The following DOK6 variants were observed in gnomAD, a reference collection of about 807,000 sequenced individuals.
DOK6 encodes downstream of tyrosine kinase 6.
In DOK6, 22 loss-of-function variants were observed where a neutral mutation model predicts 44.0. The observed-to-expected ratio is 0.50, with a 90% CI of 0.36 to 0.71. The LOEUF (loss-of-function observed/expected upper bound fraction) is 0.71, where lower values mean the gene tolerates loss of function less well. Ranked by LOEUF, DOK6 falls within the 30% of genes least tolerant of loss-of-function variation. The probability of loss-of-function intolerance (pLI) is 0.00; values close to 1 mark genes in which losing one functional copy is unlikely to be tolerated. For synonymous variants in DOK6, 166 were observed against 145.5 expected, an observed-to-expected ratio of 1.14 and a Z score of -1.01; for missense variants, 340 against 416.4, an observed-to-expected ratio of 0.82 and a Z score of 1.60.
chr18:69,482,592 G>T (rs906519112), intron 1 of DOK6, among the ~76,000 whole-genome samples: 1 of 151,948 alleles, frequency 6.6e-6, no homozygotes, highest in Non-Finnish European at 1.5e-5. Flanking sequence ...ACCAAAGTGA[G>T]ATTATATAGT....
At chr18:69,411,632 G>A (rs2122390909) in intron 1 of DOK6, among the ~76,000 whole-genome samples, 1 of 152,060 alleles carries the variant, frequency 6.6e-6, no homozygotes, top group Non-Finnish European at 1.5e-5. Flanking sequence ...CTTTATCTTT[G>A]GTTTTCAGGA....
intron 2 of DOK6, among the ~76,000 whole-genome samples, chr18:69,580,160 A>G (rs1983333886): frequency 6.6e-6 from 1 of 152,146 alleles, no homozygotes; most frequent in African/African-American, 2.4e-5. Context: ...AGACTGTTTC[A>G]GGGTTTCAGA....
chr18:69,574,647 C>T (rs1307283169), intron 2 of DOK6, among the ~76,000 whole-genome samples: 1 of 151,678 alleles, frequency 6.6e-6, no homozygotes, highest in Non-Finnish European at 1.5e-5. Flanking sequence ...TGAAAGGAGG[C>T]CTGGAGTGGG....
At chr18:69,412,880 A>G (rs574459051) in intron 1 of DOK6, among the ~76,000 whole-genome samples, 1 of 152,240 alleles carries the variant, frequency 6.6e-6, no homozygotes, top group East Asian at 1.9e-4. Flanking sequence ...CCAGGAACCT[A>G]GGACCGACTT....
intron 1 of DOK6, among the ~76,000 whole-genome samples, chr18:69,538,700 C>T (rs535093172): frequency 2.0e-5 from 3 of 152,244 alleles, no homozygotes; most frequent in African/African-American, 7.2e-5. Flanking sequence ...CTACACCAAC[C>T]TTTCTATTCC....
At chr18:69,821,132 G>A (rs1981556081) in intron 7 of DOK6, among the ~76,000 whole-genome samples, 1 of 152,118 alleles carries the variant, frequency 6.6e-6, no homozygotes, top group Non-Finnish European at 1.5e-5. Flanking sequence ...TGTGAACCAT[G>A]CTATGAAAAT....
At chr18:69,719,458 G>A (rs1568343868) in intron 5 of DOK6, among the ~76,000 whole-genome samples, 2 of 152,146 alleles carry the variant, frequency 1.3e-5, no homozygotes, top group Non-Finnish European at 1.5e-5. Flanking sequence ...GAGCAACTGG[G>A]GAAGTTACAG....
At chr18:69,401,379 G>GGA in intron 1 of DOK6, 69 bp downstream of exon 1, 1 of 1,362,362 alleles carries the variant, frequency 7.3e-7, no homozygotes, top group East Asian at 3.1e-5. Flanking sequence ...TGGGGGGGGG[G>GGA]CAGGGAGAGG....
intron 7 of DOK6, among the ~76,000 whole-genome samples, chr18:69,795,811 T>G (rs932098516): frequency 1.3e-5 from 2 of 152,194 alleles, no homozygotes; most frequent in Non-Finnish European, 2.9e-5. Flanking sequence ...TTTATCTGCT[T>G]TTAACCACCT....
intron 1 of DOK6, among the ~76,000 whole-genome samples, chr18:69,432,084 C>G (rs1008155727): frequency 7.9e-5 from 12 of 152,090 alleles, no homozygotes; most frequent in African/African-American, 2.9e-4. Context: ...AATTAAACAT[C>G]GATATTTCAC....
chr18:69,479,547 T>A (rs2144529161), intron 1 of DOK6, among the ~76,000 whole-genome samples: 1 of 152,296 alleles, frequency 6.6e-6, no homozygotes, highest in East Asian at 1.9e-4. Flanking sequence ...GGTAATATGG[T>A]CATCATAATA....
intron 2 of DOK6, among the ~76,000 whole-genome samples, chr18:69,597,257 T>G (rs1983764141): frequency 1.3e-5 from 2 of 152,204 alleles, no homozygotes; most frequent in Admixed American, 6.5e-5. Context: ...TGGTAAACCC[T>G]AGAACAATCT....
intron 1 of DOK6, among the ~76,000 whole-genome samples, chr18:69,563,080 G>A (rs1179648577): frequency 6.6e-6 from 1 of 152,212 alleles, no homozygotes; most frequent in African/African-American, 2.4e-5. Flanking sequence ...TCAGAAAAAT[G>A]CAAATCAAAA....
At chr18:69,686,880 G>A (rs1270287496) in intron 4 of DOK6, among the ~76,000 whole-genome samples, 8 of 151,910 alleles carry the variant, frequency 5.3e-5, no homozygotes, top group African/African-American at 1.4e-4. Flanking sequence ...AGGAGAAACA[G>A]AAAATCCAAA....
intron 2 of DOK6, among the ~76,000 whole-genome samples, chr18:69,567,771 G>A (rs1983019558): frequency 6.6e-6 from 1 of 152,204 alleles, no homozygotes; most frequent in African/African-American, 2.4e-5. Context: ...GTGAGTGGTT[G>A]GGGGTAGGGA....
Position 69,614,351 on chromosome 18 carries a change from T to G in DOK6, c.289+14853T>G, listed in dbSNP as rs116708090. ...TCCTTGAATTCAAAATGACAGGCAG[T>G]AGGCATACATTTCAACCTTTATTTT... On this transcript the variant is annotated intron_variant, in intron 3 of 7. Transcript: ENST00000382713. Among the ~76,000 whole-genome samples, 805 of 152,274 alleles carry G rather than the reference T, an allele frequency of 5.3e-3. 5 individuals are homozygous for G. The highest frequency in any genetic ancestry group is 0.018 in the African/African-American group (754 of 41,572).
At chr18:69,481,487 C>G (rs548863721) in intron 1 of DOK6, among the ~76,000 whole-genome samples, 1 of 151,754 alleles carries the variant, frequency 6.6e-6, no homozygotes, top group Non-Finnish European at 1.5e-5. Flanking sequence ...GGTTTTTTGT[C>G]CTTGCGATAG....
intron 1 of DOK6, among the ~76,000 whole-genome samples, chr18:69,423,462 A>G (rs181023972): frequency 6.6e-6 from 1 of 152,310 alleles, no homozygotes; most frequent in Non-Finnish European, 1.5e-5. Context: ...ATTGTCCTCT[A>G]CTACATAAGT....
intron 7 of DOK6, among the ~76,000 whole-genome samples, chr18:69,816,851 T>A (rs191267054): frequency 3.3e-5 from 5 of 152,274 alleles, no homozygotes; most frequent in African/African-American, 1.2e-4. Flanking sequence ...GTCAAAACCA[T>A]AGCAAATTTT....
Sources: allele counts gnomAD v4.1 joint callset (sites outside exome capture counted in the v4.1 genomes callset), GRCh38; gene constraint gnomAD v4.1.1; transcripts MANE v1.5; gene names NCBI Gene and HGNC (gene_info 2026-07-23, HGNC 2026-07-21).